TCF7L2: variants seen among roughly 807,000 people sequenced by gnomAD.
TCF7L2 encodes the protein transcription factor 7 like 2.
TCF7L2 carries 23 observed loss-of-function variants against 77.9 expected under a neutral mutation model. The observed-to-expected ratio is 0.30, with a 90% CI of 0.21 to 0.42. TCF7L2 has a LOEUF of 0.42. Among genes scored for constraint, TCF7L2 ranks in the 10% least tolerant of loss-of-function variants. The probability of loss-of-function intolerance (pLI) is 1.00; values close to 1 mark genes in which losing one functional copy is unlikely to be tolerated. For synonymous variants in TCF7L2, 413 were observed against 340.2 expected (o/e 1.21, Z -2.36); for missense variants, 654 against 793.1 (o/e 0.82, Z 2.11).
chr10:113,156,541 T>C (rs1330376804), intron 11 of TCF7L2, among the ~76,000 whole-genome samples: 1 of 152,220 alleles, frequency 6.6e-6, no homozygotes, highest in Non-Finnish European at 1.5e-5. Context: ...ACCATTTCAT[T>C]TCAATGTATG....
intron 5 of TCF7L2, among the ~76,000 whole-genome samples, chr10:113,121,768 TACAC>T (rs143402200): frequency 2.2e-5 from 3 of 139,530 alleles, no homozygotes; most frequent in Non-Finnish European, 3.0e-5. Context: ...CACGCACACA[TACAC>T]ACAACACACA....
chr10:113,068,936 C>A (rs1181825278), intron 5 of TCF7L2, among the ~76,000 whole-genome samples: 3 of 151,526 alleles, frequency 2.0e-5, no homozygotes, highest in Non-Finnish European at 2.9e-5. Context: ...AAACAACAAC[C>A]ACCACCAAGA....
rs2137364869 is a variant in TCF7L2, at chr10:113,158,078, C to T, written c.1318+9C>T. Reference sequence around the variant, plus strand: ...GCCGGGAGAGACCAATGGTAAGTGACAATCATCAGGTTAGAGGAAGGAGCT... The same window carrying T: ...GCCGGGAGAGACCAATGGTAAGTGATAATCATCAGGTTAGAGGAAGGAGCT... On this transcript the variant is annotated intron_variant, in intron 12 of 13. Transcript: ENST00000627217. 6.3e-7 allele frequency: 1 copy of T among 1,594,344 alleles called. No individual in the cohort carries two copies. The highest frequency in any genetic ancestry group is 8.6e-7 in the Non-Finnish European group (1 of 1,169,388).
At chr10:113,146,620 TG>T (rs1008978130) in intron 8 of TCF7L2, among the ~76,000 whole-genome samples, 17 of 151,544 alleles carry the variant, frequency 1.1e-4, no homozygotes, top group African/African-American at 2.2e-4. Context: ...AAAAAGTTTT[TG>T]TTTTTTTTTT....
chr10:113,157,883 G>C (rs912359355), intron 11 of TCF7L2, 138 bp from the exon 12 acceptor site: 5 of 862,936 alleles, frequency 5.8e-6, no homozygotes, highest in Non-Finnish European at 9.1e-6. Context: ...GTTGGAGGTT[G>C]GACAAATACC....
chr10:113,161,846 G>A (rs1037014630), intron 13 of TCF7L2, among the ~76,000 whole-genome samples: 3 of 152,158 alleles, frequency 2.0e-5, no homozygotes, highest in Non-Finnish European at 2.9e-5. Flanking sequence ...GGGCCTGAGA[G>A]TATTCCCTGA....
chr10:113,018,510 C>T (rs953910546), intron 4 of TCF7L2, among the ~76,000 whole-genome samples: 8 of 141,944 alleles, frequency 5.6e-5, no homozygotes, highest in Non-Finnish European at 7.5e-5. Context: ...TGCAGTGACG[C>T]GGTCTCGGCT....
Position 112,950,431 on chromosome 10 carries a change from C to T in TCF7L2, c.-326C>T. ...CCCCCCCTTTGCTCTTTATATCTGA[C>T]TTCTTGTTGTTGTTGGTGTTTTTTT... On this transcript the variant is annotated 5_prime_UTR_variant, in exon 1 of 14. Transcript: ENST00000627217. 9.0e-6 allele frequency: 2 copies of T among 222,906 alleles called. No homozygotes were observed. Among genetic ancestry groups the T allele is most frequent in the Non-Finnish European group, 1.7e-5 (2 of 114,418 alleles). The allele number at this position is 222,906 out of a possible 1,614,324, so 13.8% of individuals were successfully genotyped here.
At chr10:113,130,780 T>A (rs943907777) in intron 5 of TCF7L2, among the ~76,000 whole-genome samples, 1 of 139,514 alleles carries the variant, frequency 7.2e-6, no homozygotes, top group Non-Finnish European at 1.6e-5. Context: ...TATTATTATT[T>A]TTGAGACGGA....
At chr10:113,053,927 A>AGC (rs2054895409) in intron 5 of TCF7L2, among the ~76,000 whole-genome samples, 1 of 152,226 alleles carries the variant, frequency 6.6e-6, no homozygotes, top group Non-Finnish European at 1.5e-5. Context: ...AGTTGAACCC[A>AGC]AGGAGTCTCA....
intron 4 of TCF7L2, among the ~76,000 whole-genome samples, chr10:113,005,200 C>T (rs12266632): frequency 2.0e-5 from 3 of 152,166 alleles, no homozygotes; most frequent in Admixed American, 6.5e-5. Flanking sequence ...TGGTCTACCA[C>T]GCCGCCTGAT....
chr10:113,158,638 G>C (rs1369961627), intron 12 of TCF7L2, 29 bp from the exon 13 acceptor site: 6 of 1,612,108 alleles, frequency 3.7e-6, no homozygotes, highest in Non-Finnish European at 5.1e-6. Flanking sequence ...AATTTTGAAG[G>C]CTTTGTATAA....
chr10:112,971,874 A>G (rs1652257397), intron 4 of TCF7L2, among the ~76,000 whole-genome samples: 1 of 152,002 alleles, frequency 6.6e-6, no homozygotes, highest in South Asian at 2.1e-4. Context: ...TGGCCTCCCA[A>G]AGTGCTGGGA....
At chr10:113,118,550 TG>T (rs2064216313) in intron 5 of TCF7L2, among the ~76,000 whole-genome samples, 1 of 151,790 alleles carries the variant, frequency 6.6e-6, no homozygotes, top group Non-Finnish European at 1.5e-5. Flanking sequence ...TGTGTGTGTG[TG>T]TGTTTGTTCA....
At chr10:113,036,600 C>T (rs962805375) in intron 4 of TCF7L2, among the ~76,000 whole-genome samples, 1 of 151,986 alleles carries the variant, frequency 6.6e-6, no homozygotes, top group African/African-American at 2.4e-5. Context: ...TGGGGAAAAA[C>T]CCTAATGGGC....
intron 5 of TCF7L2, among the ~76,000 whole-genome samples, chr10:113,069,857 T>C (rs1591293741): frequency 1.3e-5 from 2 of 152,236 alleles, no homozygotes; most frequent in Admixed American, 6.5e-5. Context: ...TCAAGAATAC[T>C]AGTGGCAAGA....
chr10:113,090,935 T>C (rs2060329875), intron 5 of TCF7L2, among the ~76,000 whole-genome samples: 1 of 151,452 alleles, frequency 6.6e-6, no homozygotes, highest in Non-Finnish European at 1.5e-5. Context: ...TGAGACGGAG[T>C]CTTGCTCTGT....
At chr10:113,118,844 T>TA in intron 5 of TCF7L2, among the ~76,000 whole-genome samples, 1 of 151,990 alleles carries the variant, frequency 6.6e-6, no homozygotes. Context: ...GACATAGGAT[T>TA]AAAAAAACAA....
At chr10:113,008,371 C>T (rs1373255623) in intron 4 of TCF7L2, among the ~76,000 whole-genome samples, 1 of 152,188 alleles carries the variant, frequency 6.6e-6, no homozygotes, top group Non-Finnish European at 1.5e-5. Context: ...TCAGTGCCCC[C>T]AGATACACCT....
Sources: allele counts gnomAD v4.1 joint callset (sites outside exome capture counted in the v4.1 genomes callset), GRCh38; gene constraint gnomAD v4.1.1; transcripts MANE v1.5; gene names NCBI Gene and HGNC (gene_info 2026-07-23, HGNC 2026-07-21).